Variants in PIP5K1B observed in about 807,000 individuals in gnomAD.
PIP5K1B encodes the protein phosphatidylinositol 4-phosphate 5-kinase type-1 beta.
A neutral mutation model predicts 67.0 loss-of-function variants in PIP5K1B; 42 were observed. The ratio of observed to expected loss-of-function variants is 0.63; its 90% CI spans 0.49 to 0.81. PIP5K1B has a LOEUF of 0.81. Among genes scored for constraint, PIP5K1B ranks in the 30% least tolerant of loss-of-function variants. The pLI is 0.00. For synonymous variants in PIP5K1B, 214 were observed against 231.4 expected (o/e 0.92, Z 0.68); for missense variants, 459 against 646.3 (o/e 0.71, Z 3.14).
At chr9:68,808,426 C>T (rs1397367069) in intron 2 of PIP5K1B, among the ~76,000 whole-genome samples, 1 of 151,978 alleles carries the variant, frequency 6.6e-6, no homozygotes, top group Non-Finnish European at 1.5e-5. Context: ...CCGACACTAT[C>T]ACCAGATACA....
At chr9:68,893,298 G>A (rs12352694) in intron 7 of PIP5K1B, among the ~76,000 whole-genome samples, 112,721 of 148,444 alleles carry the variant, frequency 0.76, 43,206 homozygotes, top group South Asian at 0.83. Context: ...ACTTTAAAAG[G>A]GAACAAAAGT....
In PIP5K1B at chr9:68,762,178, A is replaced by G. The variant is rs139250230; in HGVS notation, c.-86+19521A>G. On this transcript the variant is annotated intron_variant, in intron 2 of 15. Coordinates refer to ENST00000265382, the MANE Select transcript of PIP5K1B (RefSeq NM_003558.4). ...TTCTTTTACCTAAGATCATGTTCCTATCCACAAAAAGACAGAAACTATGTC... is the reference window on the plus strand; with the variant it reads ...TTCTTTTACCTAAGATCATGTTCCTGTCCACAAAAAGACAGAAACTATGTC... 6.5e-4 allele frequency among the ~76,000 whole-genome samples: 99 copies of G among 152,200 alleles called. 1 individual carries two copies. The East Asian group carries it at 0.019, about 28-fold the overall frequency.
chr9:68,832,941 G>A (rs918311576), intron 4 of PIP5K1B, among the ~76,000 whole-genome samples: 1 of 152,208 alleles, frequency 6.6e-6, no homozygotes, highest in East Asian at 1.9e-4. Flanking sequence ...TTCATATTGT[G>A]ACCTTGCCAT....
intron 2 of PIP5K1B, among the ~76,000 whole-genome samples, chr9:68,817,712 C>CTTTTTTTTTTTT (rs1156788129): frequency 1.1e-5 from 1 of 93,636 alleles, no homozygotes. Flanking sequence ...AGACCTCATT[C>CTTTTTTTTTTTT]TTTTTTTTTT....
intron 15 of PIP5K1B, among the ~76,000 whole-genome samples, chr9:68,995,318 C>T (rs903463247): frequency 6.6e-6 from 1 of 152,108 alleles, no homozygotes; most frequent in African/African-American, 2.4e-5. Flanking sequence ...ACCTCCTGTA[C>T]CATAAACTTT....
At chr9:68,801,489 C>A (rs1226788316) in intron 2 of PIP5K1B, among the ~76,000 whole-genome samples, 3 of 152,112 alleles carry the variant, frequency 2.0e-5, no homozygotes, top group Non-Finnish European at 2.9e-5. Context: ...TGTTGAGGCA[C>A]CCTGCCAGGT....
intron 4 of PIP5K1B, among the ~76,000 whole-genome samples, chr9:68,829,299 G>A (rs757515466): frequency 2.0e-5 from 3 of 152,108 alleles, no homozygotes; most frequent in African/African-American, 4.8e-5. Flanking sequence ...AAGCAAACTC[G>A]TTTGTGCTAA....
intron 2 of PIP5K1B, among the ~76,000 whole-genome samples, chr9:68,793,074 T>TGTGTATGTGTGTATGTGTATACACATATA (rs1832072243): frequency 4.6e-4 from 32 of 69,964 alleles, no homozygotes; most frequent in Admixed American, 3.4e-3. Context: ...ACATATAAAG[T>TGTGTATGTGTGTATGTGTATACACATATA]GTGTATGTGT....
chr9:68,823,505 T>C (rs530978549), intron 4 of PIP5K1B, among the ~76,000 whole-genome samples: 1 of 152,370 alleles, frequency 6.6e-6, no homozygotes, highest in African/African-American at 2.4e-5. Flanking sequence ...GCTCAGATTT[T>C]ATGTCTTCAG....
At chr9:68,866,349 G>A (rs1334595608) in intron 5 of PIP5K1B, among the ~76,000 whole-genome samples, 1 of 150,900 alleles carries the variant, frequency 6.6e-6, no homozygotes, top group East Asian at 1.9e-4. Context: ...TAATAATATT[G>A]TGTAAAATGA....
At chr9:69,006,548 C>T (rs1831090072) in intron 15 of PIP5K1B, among the ~76,000 whole-genome samples, 1 of 152,204 alleles carries the variant, frequency 6.6e-6, no homozygotes, top group Non-Finnish European at 1.5e-5. Context: ...AGCCTTTCTT[C>T]CCTGAGGCTA....
intron 3 of PIP5K1B, among the ~76,000 whole-genome samples, chr9:68,821,189 G>A (rs368082780): frequency 2.0e-5 from 3 of 152,146 alleles, no homozygotes; most frequent in East Asian, 1.9e-4. Flanking sequence ...CTGGGAGGTC[G>A]AGGCTGCAGT....
chr9:68,776,774 T>G (rs907785324), intron 2 of PIP5K1B, among the ~76,000 whole-genome samples: 1 of 152,208 alleles, frequency 6.6e-6, no homozygotes, highest in South Asian at 2.1e-4. Flanking sequence ...ATTTAATTCA[T>G]GGGAGTGAAA....
intron 8 of PIP5K1B, among the ~76,000 whole-genome samples, chr9:68,895,518 C>T (rs1233013763): frequency 6.6e-6 from 1 of 152,002 alleles, no homozygotes; most frequent in Middle Eastern, 3.2e-3. Flanking sequence ...GGAGGGGAGA[C>T]ACTTCTCTGC....
intron 3 of PIP5K1B, 172 bp from the exon 4 acceptor site, chr9:68,822,443 T>G (rs1267309759): frequency 5.8e-6 from 3 of 513,278 alleles, no homozygotes; most frequent in Middle Eastern, 5.2e-4. Flanking sequence ...GATTAAGGAA[T>G]GCAGATTTCT....
chr9:68,789,202 C>G, intron 2 of PIP5K1B: 2 of 525,040 alleles, frequency 3.8e-6, no homozygotes, highest in Non-Finnish European at 7.4e-6. Context: ...AGTTGGTCAC[C>G]CACATTGGTG....
At chr9:68,986,807 A>G (rs1830113274) in intron 14 of PIP5K1B, among the ~76,000 whole-genome samples, 2 of 152,216 alleles carry the variant, frequency 1.3e-5, no homozygotes, top group African/African-American at 4.8e-5. Flanking sequence ...AGCTTCCAAA[A>G]ATAAAAGGTA....
intron 2 of PIP5K1B, among the ~76,000 whole-genome samples, chr9:68,754,270 C>T (rs1587392738): frequency 1.3e-5 from 2 of 149,722 alleles, no homozygotes; most frequent in Non-Finnish European, 3.0e-5. Flanking sequence ...CCCGGGTTCA[C>T]GCCATTCTCC....
chr9:68,994,489 T>G (rs1830522343), intron 15 of PIP5K1B, among the ~76,000 whole-genome samples: 1 of 152,232 alleles, frequency 6.6e-6, no homozygotes, highest in Non-Finnish European at 1.5e-5. Context: ...CCCTAATGTC[T>G]GGCTTAATGG....
Sources: gnomAD v4.1 joint callset for allele counts (sites outside exome capture counted in the v4.1 genomes callset) on GRCh38, gnomAD v4.1.1 for gene constraint, MANE v1.5 for transcripts, NCBI Gene and HGNC (gene_info 2026-07-23, HGNC 2026-07-21) for gene names.